The following ERC2 variants were observed in gnomAD, a reference collection of about 807,000 sequenced individuals.
ERC2 encodes the protein ELKS/RAB6-interacting/CAST family member 2, also known as ERC protein 2.
In ERC2, 42 loss-of-function variants were observed where a neutral mutation model predicts 114.8. That is an observed-to-expected ratio of 0.37 (90% CI 0.29 to 0.47). The LOEUF (loss-of-function observed/expected upper bound fraction) is 0.47, where lower values mean the gene tolerates loss of function less well. Ranked by LOEUF, ERC2 falls within the 20% of genes least tolerant of loss-of-function variation. The pLI, the probability that ERC2 is intolerant of heterozygous loss-of-function variation, is 0.99. For missense variants in ERC2, 939 were observed against 1,150.7 expected, an observed-to-expected ratio of 0.82 and a Z score of 2.66; for synonymous variants, 454 against 425.5, an observed-to-expected ratio of 1.07 and a Z score of -0.82.
intron 14 of ERC2, among the ~76,000 whole-genome samples, chr3:55,862,734 G>A (rs1296930190): frequency 2.0e-5 from 3 of 152,182 alleles, no homozygotes; most frequent in African/African-American, 7.2e-5. Context: ...AAATTGAGAT[G>A]TCGAATTCTG....
intron 2 of ERC2, among the ~76,000 whole-genome samples, chr3:56,412,507 T>C (rs959302430): frequency 9.8e-5 from 15 of 152,340 alleles, no homozygotes. Context: ...CACAAGGGGT[T>C]TGTGGCAGAG....
chr3:55,808,905 C>G (rs2059607836), intron 14 of ERC2, among the ~76,000 whole-genome samples: 1 of 150,866 alleles, frequency 6.6e-6, no homozygotes, highest in South Asian at 2.1e-4. Context: ...TCTTATAAAA[C>G]TTGGAGTTAA....
At chr3:55,802,433 G>A (rs1170173374) in intron 14 of ERC2, among the ~76,000 whole-genome samples, 1 of 152,160 alleles carries the variant, frequency 6.6e-6, no homozygotes, top group Admixed American at 6.5e-5. Flanking sequence ...ATGTGGGAAT[G>A]CTATGTCATT....
chr3:56,442,119 T>C (rs2062342644), intron 1 of ERC2, among the ~76,000 whole-genome samples: 1 of 152,032 alleles, frequency 6.6e-6, no homozygotes, highest in Non-Finnish European at 1.5e-5. Flanking sequence ...TCTCAACATA[T>C]CCCAAAAGCC....
At chr3:55,657,775 AACT>A (rs1156356527) in intron 17 of ERC2, 6 of 152,156 alleles carry the variant, frequency 3.9e-5, no homozygotes, top group Admixed American at 1.3e-4. Flanking sequence ...TGTATTTCTT[AACT>A]TCTCTGGTCT....
At chr3:55,604,702 A>G (rs1314218236) in intron 17 of ERC2, among the ~76,000 whole-genome samples, 2 of 152,176 alleles carry the variant, frequency 1.3e-5, no homozygotes, top group Non-Finnish European at 2.9e-5. Flanking sequence ...TTAAGAAGGG[A>G]GTGTATGATG....
At chr3:55,800,225 C>CCGCCT (rs929175968) in intron 14 of ERC2, among the ~76,000 whole-genome samples, 32 of 152,268 alleles carry the variant, frequency 2.1e-4, no homozygotes, top group African/African-American at 7.2e-4. Flanking sequence ...ACTGCAACCT[C>CCGCCT]CGCCTCCTGG....
chr3:56,353,195 C>T (rs2058615723), intron 2 of ERC2, among the ~76,000 whole-genome samples: 1 of 151,974 alleles, frequency 6.6e-6, no homozygotes, highest in Non-Finnish European at 1.5e-5. Flanking sequence ...TCCTATGGTC[C>T]CATGGCCTAA....
chr3:56,435,824 T>G (rs754303651), intron 1 of ERC2, among the ~76,000 whole-genome samples: 3 of 152,230 alleles, frequency 2.0e-5, no homozygotes, highest in Non-Finnish European at 4.4e-5. Context: ...CCTAAACACA[T>G]AGCCAGATCC....
At chr3:56,237,891 C>CTTTTTTTTTTTTTTTTTTT (rs3054904) in intron 3 of ERC2, among the ~76,000 whole-genome samples, 1 of 140,912 alleles carries the variant, frequency 7.1e-6, no homozygotes, top group African/African-American at 2.6e-5. Context: ...CTATTTTTTC[C>CTTTTTTTTTTTTTTTTTTT]TTTTTTTTTT....
At chr3:55,616,297 C>G (rs1451341552) in intron 17 of ERC2, among the ~76,000 whole-genome samples, 1 of 141,278 alleles carries the variant, frequency 7.1e-6, no homozygotes, top group Non-Finnish European at 1.6e-5. Context: ...GTAGCAGCCA[C>G]TTAGGAAAGG....
At position 55,509,197 on chromosome 3, in the gene ERC2, G is replaced by A. The variant is rs2051932971; in HGVS notation, c.*2119C>T. ...CCAAACAAGAGCTGTGACAAAATTG[G>A]CACATACATAGAAATAGCTAGCTAT... is the stretch of plus-strand genomic sequence containing the variant. On this transcript the variant is annotated 3_prime_UTR_variant, in exon 18 of 18. Coordinates refer to ENST00000288221, the MANE Select transcript of ERC2 (RefSeq NM_015576.3). 1 of 152,042 alleles carries A rather than the reference G, an allele frequency of 6.6e-6. No homozygotes were observed. Among genetic ancestry groups the A allele is most frequent in the Non-Finnish European group, 1.5e-5 (1 of 67,942 alleles). The allele number at this position is 152,042 out of a possible 1,614,324, so 9.4% of individuals were successfully genotyped here.
intron 12 of ERC2, among the ~76,000 whole-genome samples, chr3:55,952,167 ACACACACACACACTCTCTCTCT>A (rs1559922411): frequency 4.4e-5 from 3 of 68,478 alleles, no homozygotes; most frequent in African/African-American, 1.5e-4. Context: ...ACACACACAC[ACACACACACACACTCTCTCTCT>A]CTCTCTCTCT....
At chr3:55,646,049 A>G (rs1028346374) in intron 17 of ERC2, among the ~76,000 whole-genome samples, 7 of 152,232 alleles carry the variant, frequency 4.6e-5, no homozygotes, top group African/African-American at 1.7e-4. Context: ...TGAGGCCCAC[A>G]TTCCAAACCA....
At chr3:56,381,501 T>TGTGAG (rs1365835764) in intron 2 of ERC2, among the ~76,000 whole-genome samples, 2 of 152,134 alleles carry the variant, frequency 1.3e-5, no homozygotes, top group Non-Finnish European at 2.9e-5. Flanking sequence ...AAGTGGATCC[T>TGTGAG]CACAGTTCAA....
intron 15 of ERC2, among the ~76,000 whole-genome samples, chr3:55,726,347 G>A (rs1275541085): frequency 1.3e-5 from 2 of 152,200 alleles, no homozygotes; most frequent in Non-Finnish European, 2.9e-5. Context: ...CTAACCTCCT[G>A]AACCATAAAG....
intron 14 of ERC2, among the ~76,000 whole-genome samples, chr3:55,740,939 A>G (rs1199541427): frequency 6.6e-6 from 1 of 152,158 alleles, no homozygotes; most frequent in Non-Finnish European, 1.5e-5. Flanking sequence ...TTTGGATTTG[A>G]GACACTCAGT....
At chr3:55,561,176 A>C (rs560433061) in intron 17 of ERC2, among the ~76,000 whole-genome samples, 10 of 151,756 alleles carry the variant, frequency 6.6e-5, no homozygotes, top group Non-Finnish European at 1.3e-4. Flanking sequence ...AAAAATTAAG[A>C]GCAAGAAGAA....
intron 3 of ERC2, among the ~76,000 whole-genome samples, chr3:56,182,286 C>G (rs961850017): frequency 6.6e-6 from 1 of 152,084 alleles, no homozygotes; most frequent in African/African-American, 2.4e-5. Context: ...TGGTAAACTC[C>G]ATGAGAACAG....
Sources: gnomAD v4.1 joint callset for allele counts (sites outside exome capture counted in the v4.1 genomes callset) on GRCh38, gnomAD v4.1.1 for gene constraint, MANE v1.5 for transcripts, NCBI Gene and HGNC (gene_info 2026-07-23, HGNC 2026-07-21) for gene names.